Variants in INKA2 observed in about 807,000 individuals in gnomAD.
INKA2 encodes the protein PAK4-inhibitor INKA2.
In INKA2, 3 loss-of-function variants were observed where a neutral mutation model predicts 9.8. The ratio of observed to expected loss-of-function variants is 0.31; its 90% CI spans 0.14 to 0.79. INKA2 has a LOEUF of 0.79. Among genes scored for constraint, INKA2 ranks in the 30% least tolerant of loss-of-function variants. The pLI is 0.62. For missense variants in INKA2, 392 were observed against 384.4 expected (o/e 1.02, Z -0.17); for synonymous variants, 147 against 143.3 (o/e 1.03, Z -0.18).
At chr1:111,737,055 C>T (rs1281692441) in intron 1 of INKA2, among the ~76,000 whole-genome samples, 3 of 152,040 alleles carry the variant, frequency 2.0e-5, no homozygotes, top group African/African-American at 4.8e-5. Context: ...GGGGGTGGAG[C>T]ACCATGGGGG....
intron 1 of INKA2, among the ~76,000 whole-genome samples, chr1:111,732,210 G>A (rs566339789): frequency 9.8e-5 from 15 of 152,322 alleles, no homozygotes; most frequent in East Asian, 1.9e-4. Context: ...GTCAGAGGCC[G>A]AGCTTGGGAT....
intron 1 of INKA2, among the ~76,000 whole-genome samples, chr1:111,738,080 G>T (rs1281463273): frequency 1.3e-5 from 2 of 152,178 alleles, no homozygotes; most frequent in African/African-American, 4.8e-5. Flanking sequence ...GAGTGCCCCT[G>T]GCTCTGTAAA....
upstream of INKA2, among the ~76,000 whole-genome samples, chr1:111,743,192 C>T (rs1384482102): frequency 1.3e-5 from 2 of 152,158 alleles, no homozygotes; most frequent in African/African-American, 4.8e-5. Flanking sequence ...TTCCACCCAC[C>T]CCCCTCCGAA....
chr1:111,739,307 ACTGCG>A lies in INKA2; in HGVS notation c.-70_-66del. On this transcript the variant is annotated 5_prime_UTR_variant, in exon 1 of 2. Transcript: ENST00000357260. ...GGGTGAAACCCCGGCCCCACTGGAA[ACTGCG>A]CTCCGGGCCGGCTCCCCGCCCCTGC... The A allele has an allele frequency of 6.2e-7, 1 of 1,603,566 alleles. No individual in the cohort carries two copies. Among genetic ancestry groups the A allele is most frequent in the Non-Finnish European group, 8.5e-7 (1 of 1,175,088 alleles).
At chr1:111,738,375 C>CT in intron 1 of INKA2, among the ~76,000 whole-genome samples, 1 of 152,050 alleles carries the variant, frequency 6.6e-6, no homozygotes, top group Non-Finnish European at 1.5e-5. Context: ...GCGAACACCA[C>CT]TCCCCCGACT....
intron 1 of INKA2, chr1:111,755,607 C>T (rs940315870): frequency 6.7e-7 from 1 of 1,491,588 alleles, no homozygotes; most frequent in Non-Finnish European, 9.0e-7. Flanking sequence ...GGGGGCACGG[C>T]TGGGCGGCTC....
chr1:111,723,741 A>C lies in INKA2; in HGVS notation c.*3227T>G, dbSNP rs1282973538. 6.6e-6 allele frequency: 1 copy of C among 152,368 alleles called. No homozygotes were observed. Among genetic ancestry groups the C allele is most frequent in the Non-Finnish European group, 1.5e-5 (1 of 68,070 alleles). 9.4% of individuals were successfully genotyped at this position (152,368 alleles called of 1,614,324 possible). A position where few individuals can be genotyped will look rare whatever the true frequency, so the allele number is the denominator to read the frequency against. On this transcript the variant is annotated 3_prime_UTR_variant, in exon 2 of 2. Transcript: ENST00000357260. ...CTTCCTGTATACTTAGGCCCTAGGC[A>C]TTTGCATTCACCTCTTCCCTCCACT...
At position 111,727,389 on chromosome 1, in the gene INKA2, C is replaced by T. The variant is rs756332197; in HGVS notation, c.473G>A (p.Gly158Glu). ...CACCAGGTCTGCAAAAACGTTGTCC[C>T]CTAACACCAGAGGCTGTCGATTCCG... ...RGRNRQPLVLGDNVFADLVGN... is the reference protein window; with the variant it reads ...RGRNRQPLVLEDNVFADLVGN... Residue 158 changes from glycine to glutamate, a missense_variant, in exon 2 of 2, where the codon GGG becomes GAG. By Grantham distance (98) the Gly-to-Glu change is moderately conservative. Coordinates refer to ENST00000357260, the MANE Select transcript of INKA2 (RefSeq NM_019099.5). 4.3e-6 allele frequency: 7 copies of T among 1,613,848 alleles called. No individual in the cohort carries two copies. Among genetic ancestry groups the T allele is most frequent in the Admixed American group, 1.7e-5 (1 of 59,952 alleles).
In INKA2 at chr1:111,739,261, C is replaced by A. The variant is rs771415552; in HGVS notation, c.-19G>T. 4 of 1,613,574 alleles carry A rather than the reference C, an allele frequency of 2.5e-6. No homozygotes were observed. In the South Asian group the frequency reaches 4.4e-5, roughly 18 times the overall value. ...TCGTCATGCGCCCATTTGTCGGGTT[C>A]GGTTCAAACAGAGAGGGCCCGGGTG... On this transcript the variant is annotated 5_prime_UTR_variant, in exon 1 of 2. Coordinates refer to ENST00000357260, the MANE Select transcript of INKA2 (RefSeq NM_019099.5).
At chr1:111,738,879 CCGTCTCTGGG>C (rs1663069823) in intron 1 of INKA2, among the ~76,000 whole-genome samples, 1 of 152,214 alleles carries the variant, frequency 6.6e-6, no homozygotes, top group Admixed American at 6.5e-5. Flanking sequence ...GTGTGCCTGG[CCGTCTCTGGG>C]CGTGCCCTAT....
Position 111,727,134 on chromosome 1 carries a change from C to T in INKA2, c.728G>A (p.Gly243Asp). The change falls in exon 2 of 2, where the codon GGC (glycine) becomes GAC (aspartate). Residue 243 changes from glycine to aspartate, a missense_variant. Gly to Asp is a moderately conservative substitution (Grantham distance 94, BLOSUM62 -1). Transcript: ENST00000357260. Reference protein sequence around the residue: ...VTPMVPESRTGRSQKVKKRSL... With the variant: ...VTPMVPESRTDRSQKVKKRSL... ...CCGCTTCTTGACCTTCTGTGAGCGG[C>T]CGGTTCGGGACTCAGGGACCATGGG... The T allele has an allele frequency of 1.2e-6, 2 of 1,614,232 alleles. No homozygotes were observed. The highest frequency in any genetic ancestry group is 2.2e-5 in the East Asian group (1 of 44,872).
At chr1:111,751,724 G>T (rs972373393) in intron 1 of INKA2, among the ~76,000 whole-genome samples, 1 of 152,120 alleles carries the variant, frequency 6.6e-6, no homozygotes, top group Admixed American at 6.5e-5. Context: ...TGCTATGGTG[G>T]TCCTCACCTC....
At chr1:111,751,595 C>T (rs548103695) in intron 1 of INKA2, among the ~76,000 whole-genome samples, 77 of 152,308 alleles carry the variant, frequency 5.1e-4, no homozygotes, top group Admixed American at 8.5e-4. Flanking sequence ...GCATCTCCTT[C>T]GGCATCTGAC....
At chr1:111,752,444 T>C (rs1393159415) in intron 1 of INKA2, among the ~76,000 whole-genome samples, 1 of 152,236 alleles carries the variant, frequency 6.6e-6, no homozygotes, top group Admixed American at 6.5e-5. Context: ...CTTTGTTCCA[T>C]TTTTGTATCT....
upstream of INKA2, chr1:111,739,499 C>T: frequency 7.9e-7 from 1 of 1,269,472 alleles, no homozygotes; most frequent in East Asian, 3.0e-5. Flanking sequence ...ATGGGCAGGG[C>T]GGCCGGGAGG....
In INKA2 at chr1:111,749,212, G is replaced by A. The variant is rs149380488; in HGVS notation, n.124+6489C>T. Among the ~76,000 whole-genome samples the A allele has an allele frequency of 2.9e-4, 44 of 152,280 alleles. No homozygotes were observed. In the East Asian group the frequency reaches 7.5e-3, roughly 26 times the overall value. ...GCATGCTCTATGTACTCCAGACCAC[G>A]AGCATTTATTTCCAGGTTCTCGGCC... On this transcript the variant is annotated intron_variant and non_coding_transcript_variant, in intron 1 of 1. Transcript: ENST00000444059.
intron 1 of INKA2, among the ~76,000 whole-genome samples, chr1:111,735,985 C>A (rs903965622): frequency 6.6e-6 from 1 of 152,166 alleles, no homozygotes; most frequent in Non-Finnish European, 1.5e-5. Flanking sequence ...TCTGAACTCA[C>A]GAGGGATGCC....
In INKA2 at chr1:111,723,021, C is replaced by G. The variant is rs1662680812; in HGVS notation, c.*3947G>C. 1.4e-6 allele frequency: 1 copy of G among 699,726 alleles called. No individual in the cohort carries two copies. Among genetic ancestry groups the G allele is most frequent in the Non-Finnish European group, 2.6e-6 (1 of 383,582 alleles). 43.3% of individuals were successfully genotyped at this position (699,726 alleles called of 1,614,324 possible). ...GTTCAGAGAGATCAAGCAACATGCTCAAGCTTCCACAGTGACAGAGGGGGC... is the reference window on the plus strand; with the variant it reads ...GTTCAGAGAGATCAAGCAACATGCTGAAGCTTCCACAGTGACAGAGGGGGC... On this transcript the variant is annotated 3_prime_UTR_variant, in exon 2 of 2. Transcript: ENST00000357260.
At chr1:111,747,466 T>G (rs1663298938) in intron 1 of INKA2, 1 of 152,324 alleles carries the variant, frequency 6.6e-6, no homozygotes, top group Admixed American at 6.5e-5. Context: ...ATGCAAATGT[T>G]GCCACCTTGT....
Sources: gnomAD v4.1 joint callset for allele counts (sites outside exome capture counted in the v4.1 genomes callset) on GRCh38, gnomAD v4.1.1 for gene constraint, MANE v1.5 for transcripts, NCBI Gene and HGNC (gene_info 2026-07-23, HGNC 2026-07-21) for gene names.